Variants in RASSF8 observed in about 807,000 individuals in gnomAD.
The protein encoded by RASSF8 is ras association domain-containing protein 8.
In RASSF8, 22 loss-of-function variants were observed where a neutral mutation model predicts 48.5. The ratio of observed to expected loss-of-function variants is 0.45; its 90% CI spans 0.32 to 0.65. The LOEUF is 0.65. Ranked by LOEUF, RASSF8 falls within the 30% of genes least tolerant of loss-of-function variation. The pLI is 0.03. For missense variants in RASSF8, 418 were observed against 489.2 expected (o/e 0.85, Z 1.37); for synonymous variants, 127 against 171.5 (o/e 0.74, Z 2.03).
intron 1 of RASSF8, among the ~76,000 whole-genome samples, chr12:25,965,550 C>G (rs968061456): frequency 6.6e-6 from 1 of 151,760 alleles, no homozygotes; most frequent in African/African-American, 2.4e-5. Context: ...TTAGTAGAGA[C>G]TGGGTTTTGC....
chr12:25,968,023 G>C (rs1941398242), intron 1 of RASSF8, among the ~76,000 whole-genome samples: 1 of 152,092 alleles, frequency 6.6e-6, no homozygotes, highest in Admixed American at 6.5e-5. Flanking sequence ...TTTTGCTTTG[G>C]GCCTGGAAAC....
intron 2 of RASSF8, among the ~76,000 whole-genome samples, chr12:26,049,869 C>T (rs1401176500): frequency 2.0e-5 from 3 of 152,310 alleles, no homozygotes; most frequent in East Asian, 1.9e-4. Context: ...CTGCAAGCTC[C>T]GCCTCCCAGG....
chr12:26,010,353 A>T (rs993255222), intron 2 of RASSF8, among the ~76,000 whole-genome samples: 1 of 152,242 alleles, frequency 6.6e-6, no homozygotes, highest in East Asian at 1.9e-4. Context: ...CTGGGGGACC[A>T]TCTTTACCAA....
Position 26,071,334 on chromosome 12 carries a change from C to A in RASSF8, c.*2516C>A, listed in dbSNP as rs1943995782. The A allele has an allele frequency of 2.5e-5, 24 of 971,544 alleles. No individual in the cohort carries two copies. Among genetic ancestry groups the A allele is most frequent in the Non-Finnish European group, 2.9e-5 (24 of 817,684 alleles). The allele number at this position is 971,544 out of a possible 1,614,324, so 60.2% of individuals were successfully genotyped here. ...AGTGGGCAATGGTATACAAAAATAC[C>A]AAATATAAAATTTTCATCTGGGGGA... On this transcript the variant is annotated 3_prime_UTR_variant, in exon 6 of 6. Transcript: ENST00000689635.
At chr12:26,032,366 T>G (rs1356175253) in intron 2 of RASSF8, among the ~76,000 whole-genome samples, 1 of 152,172 alleles carries the variant, frequency 6.6e-6, no homozygotes, top group Non-Finnish European at 1.5e-5. Context: ...TTGTTCCAAA[T>G]CATCTAGGTA....
At chr12:26,073,576 A>C (rs1944037592), downstream of RASSF8, among the ~76,000 whole-genome samples, 2 of 152,074 alleles carry the variant, frequency 1.3e-5, no homozygotes, top group African/African-American at 2.4e-5. Context: ...GTCTGTACGA[A>C]AAGTAAAAAC....
chr12:26,008,328 C>A (rs531058013), intron 2 of RASSF8, among the ~76,000 whole-genome samples: 1 of 152,264 alleles, frequency 6.6e-6, no homozygotes, highest in Non-Finnish European at 1.5e-5. Context: ...AGAAGCTATA[C>A]TGTTTCCAGC....
intron 1 of RASSF8, among the ~76,000 whole-genome samples, chr12:25,965,364 T>C (rs1941334963): frequency 1.9e-5 from 1 of 54,046 alleles, no homozygotes; most frequent in Non-Finnish European, 3.9e-5. Context: ...CCCAAATTTC[T>C]TTTTTTTTTT....
In RASSF8 at chr12:25,968,338, T is replaced by C. The variant is rs187596600; in HGVS notation, c.-203+9190T>C. 1.7e-3 allele frequency among the ~76,000 whole-genome samples: 263 copies of C among 152,254 alleles called. 6 individuals are homozygous for C. The highest frequency in any genetic ancestry group is 0.017 in the Admixed American group (258 of 15,296). The stretch of plus-strand genomic sequence containing the variant: ...ATCACTCTTTCTTTGTTCTTTATTT[T>C]TTATTTATTTATTTATTTTTTTGAG... On this transcript the variant is annotated intron_variant, in intron 1 of 5. Coordinates refer to ENST00000689635, the MANE Select transcript of RASSF8 (RefSeq NM_001394098.1).
At chr12:26,001,787 T>TA (rs548158554) in intron 2 of RASSF8, among the ~76,000 whole-genome samples, 41 of 144,556 alleles carry the variant, frequency 2.8e-4, no homozygotes, top group East Asian at 2.0e-3. Flanking sequence ...ACAGTTAACT[T>TA]AAAAAAAAAA....
chr12:26,040,230 T>C (rs1231550199), intron 2 of RASSF8, among the ~76,000 whole-genome samples: 1 of 152,218 alleles, frequency 6.6e-6, no homozygotes, highest in Non-Finnish European at 1.5e-5. Context: ...CATAAGATTT[T>C]TAGTGTGATA....
At chr12:26,018,466 T>G (rs1276162360) in intron 2 of RASSF8, among the ~76,000 whole-genome samples, 1 of 152,174 alleles carries the variant, frequency 6.6e-6, no homozygotes, top group Non-Finnish European at 1.5e-5. Context: ...AAAACTAAAC[T>G]AAAAATAGGA....
At chr12:25,967,340 A>G (rs1941383104) in intron 1 of RASSF8, among the ~76,000 whole-genome samples, 1 of 152,188 alleles carries the variant, frequency 6.6e-6, no homozygotes, top group South Asian at 2.1e-4. Context: ...TGATGAGGGT[A>G]CATACATACC....
chr12:26,042,271 G>C (rs1943281267), intron 2 of RASSF8, among the ~76,000 whole-genome samples: 2 of 152,172 alleles, frequency 1.3e-5, no homozygotes. Context: ...GTTAATCACA[G>C]CCTATTCAGG....
At chr12:26,007,565 T>A (rs1942422058) in intron 2 of RASSF8, among the ~76,000 whole-genome samples, 2 of 152,166 alleles carry the variant, frequency 1.3e-5, no homozygotes, top group African/African-American at 4.8e-5. Context: ...TCTTGTTTGA[T>A]GTCAGTGTAG....
chr12:26,008,115 T>A (rs1016175800), intron 2 of RASSF8, among the ~76,000 whole-genome samples: 1 of 151,974 alleles, frequency 6.6e-6, no homozygotes, highest in Non-Finnish European at 1.5e-5. Flanking sequence ...GTACTAAAAA[T>A]ACACAAAATT....
At chr12:26,030,939 A>G (rs1295504689) in intron 2 of RASSF8, among the ~76,000 whole-genome samples, 1 of 152,162 alleles carries the variant, frequency 6.6e-6, no homozygotes, top group Admixed American at 6.6e-5. Context: ...TTTCAATTCA[A>G]CTTTATTTAC....
intron 2 of RASSF8, among the ~76,000 whole-genome samples, chr12:26,040,891 G>GT (rs113609672): frequency 0.02 from 2,872 of 141,884 alleles, 47 homozygotes; most frequent in Non-Finnish European, 0.027. Flanking sequence ...ATTATACATA[G>GT]TTTTTTTTTT....
intron 2 of RASSF8, among the ~76,000 whole-genome samples, chr12:26,019,593 G>C (rs868005659): frequency 2.2e-5 from 3 of 137,070 alleles, no homozygotes; most frequent in African/African-American, 8.0e-5. Context: ...GTGTGTGTGT[G>C]TGTGTGTGTG....
Sources: gnomAD v4.1 joint callset for allele counts (sites outside exome capture counted in the v4.1 genomes callset) on GRCh38, gnomAD v4.1.1 for gene constraint, MANE v1.5 for transcripts, NCBI Gene and HGNC (gene_info 2026-07-23, HGNC 2026-07-21) for gene names.